Variants in PTPN2 observed in about 807,000 individuals in gnomAD.
PTPN2 encodes protein tyrosine phosphatase non-receptor type 2, also known as tyrosine-protein phosphatase non-receptor type 2.
A neutral mutation model predicts 57.3 loss-of-function variants in PTPN2; 19 were observed. The ratio of observed to expected loss-of-function variants is 0.33; its 90% confidence interval spans 0.23 to 0.49. The LOEUF (loss-of-function observed/expected upper bound fraction) is 0.49. PTPN2 is among the 20% of genes least tolerant of loss of function. The probability of loss-of-function intolerance (pLI) is 0.99; values close to 1 mark genes in which losing one functional copy is unlikely to be tolerated. For synonymous variants in PTPN2, 153 were observed against 164.9 expected (o/e 0.93, Z 0.55); for missense variants, 358 against 501.1 (o/e 0.71, Z 2.73).
At chr18:12,832,415 C>T (rs1307503534) in intron 3 of PTPN2, among the ~76,000 whole-genome samples, 2 of 152,164 alleles carry the variant, frequency 1.3e-5, no homozygotes, top group South Asian at 4.1e-4. Context: ...TGGTGCCCAG[C>T]TGACTAAAAG....
chr18:12,824,228 A>C (rs1292345903), intron 5 of PTPN2, among the ~76,000 whole-genome samples: 1 of 152,216 alleles, frequency 6.6e-6, no homozygotes, highest in Non-Finnish European at 1.5e-5. Flanking sequence ...AAATCTAAGC[A>C]TTATCATTCG....
intron 1 of PTPN2, among the ~76,000 whole-genome samples, chr18:12,882,257 G>C (rs1402588533): frequency 6.6e-6 from 1 of 152,200 alleles, no homozygotes; most frequent in African/African-American, 2.4e-5. Context: ...TAATGGTCTT[G>C]TTTTCAACTA....
chr18:12,833,931 G>C (rs976437896), intron 3 of PTPN2, among the ~76,000 whole-genome samples: 1 of 152,158 alleles, frequency 6.6e-6, no homozygotes, highest in African/African-American at 2.4e-5. Flanking sequence ...AACATAGAGA[G>C]GAATTCAGGA....
At chr18:12,806,484 C>A (rs999272996) in intron 7 of PTPN2, among the ~76,000 whole-genome samples, 1 of 152,032 alleles carries the variant, frequency 6.6e-6, no homozygotes, top group South Asian at 2.1e-4. Flanking sequence ...TAAAAGACCC[C>A]AAAAGCCAAA....
downstream of PTPN2, among the ~76,000 whole-genome samples, chr18:12,790,525 G>C (rs2040957707): frequency 6.6e-6 from 1 of 152,186 alleles, no homozygotes; most frequent in South Asian, 2.1e-4. Context: ...AAAGGATGGA[G>C]AAATGCCAGT....
chr18:12,869,765 G>A (rs2044122503), intron 1 of PTPN2, among the ~76,000 whole-genome samples: 1 of 152,038 alleles, frequency 6.6e-6, no homozygotes, highest in African/African-American at 2.4e-5. Context: ...TTCTCCTTAT[G>A]GGCTAACATA....
At chr18:12,789,153 C>T (rs1173269667), downstream of PTPN2, among the ~76,000 whole-genome samples, 1 of 152,074 alleles carries the variant, frequency 6.6e-6, no homozygotes, top group South Asian at 2.1e-4. Flanking sequence ...TTCACTGGAA[C>T]AAAGACAGCT....
chr18:12,871,306 TAAGA>T (rs990865801), intron 1 of PTPN2, among the ~76,000 whole-genome samples: 14 of 152,240 alleles, frequency 9.2e-5, no homozygotes, highest in African/African-American at 3.4e-4. Context: ...ACCAATAATA[TAAGA>T]AAGTGCCTGA....
chr18:12,836,362 C>G (rs1463172028), intron 3 of PTPN2, among the ~76,000 whole-genome samples: 1 of 152,200 alleles, frequency 6.6e-6, no homozygotes, highest in African/African-American at 2.4e-5. Context: ...TGAAGACGAC[C>G]AGACACCATC....
chr18:12,790,167 T>G (rs2040948522), downstream of PTPN2, among the ~76,000 whole-genome samples: 1 of 152,046 alleles, frequency 6.6e-6, no homozygotes, highest in East Asian at 1.9e-4. Flanking sequence ...CAAGCAATCC[T>G]CCCACCTTGG....
intron 7 of PTPN2, among the ~76,000 whole-genome samples, chr18:12,803,378 A>C (rs1026360798): frequency 3.3e-5 from 5 of 152,222 alleles, no homozygotes; most frequent in African/African-American, 1.2e-4. Context: ...GGCAGGTGTA[A>C]GTCCTTATCT....
chr18:12,823,598 C>T (rs541592752), intron 5 of PTPN2, among the ~76,000 whole-genome samples: 2 of 152,060 alleles, frequency 1.3e-5, no homozygotes, highest in African/African-American at 4.8e-5. Flanking sequence ...TCACTTGAAT[C>T]CAGGAGGTGG....
At chr18:12,796,655 A>G (rs1184510359) in intron 8 of PTPN2, among the ~76,000 whole-genome samples, 1 of 152,208 alleles carries the variant, frequency 6.6e-6, no homozygotes, top group Non-Finnish European at 1.5e-5. Context: ...AACTGAGAAC[A>G]CATGTCCATG....
intron 9 of PTPN2, chr18:12,786,243 T>C (rs2040840951): frequency 5.6e-6 from 1 of 178,714 alleles, no homozygotes; most frequent in African/African-American, 2.4e-5. Flanking sequence ...ACCAATACTT[T>C]GGAATTCAAT....
At chr18:12,880,768 C>T (rs1282654112) in intron 1 of PTPN2, 2 of 152,200 alleles carry the variant, frequency 1.3e-5, no homozygotes, top group South Asian at 2.1e-4. Context: ...TATTTCCAAA[C>T]GCTCTGTATC....
At position 12,826,246 on chromosome 18, in the gene PTPN2, TAC is replaced by T. The variant is rs2042453271; in HGVS notation, c.361-304_361-303del. ...GGTGAAACCCTGTCTCTACTAAAAA[TAC>T]AAAAACTAGCTAGGCGCGATGGCGG... is the stretch of plus-strand genomic sequence containing the variant. On this transcript the variant is annotated intron_variant, in intron 4 of 8. Coordinates refer to ENST00000309660, the MANE Select transcript of PTPN2 (RefSeq NM_002828.4). 2.0e-5 allele frequency among the ~76,000 whole-genome samples: 3 copies of T among 152,044 alleles called. No individual in the cohort carries two copies. The South Asian group carries it at 6.2e-4, about 32-fold the overall frequency.
chr18:12,825,203 C>CAT (rs144146630), intron 5 of PTPN2, among the ~76,000 whole-genome samples: 5 of 152,104 alleles, frequency 3.3e-5, no homozygotes, highest in Non-Finnish European at 7.4e-5. Flanking sequence ...GTGCGTGTTA[C>CAT]ATATATATAT....
At chr18:12,883,965 C>T in intron 1 of PTPN2, 108 bp downstream of exon 1, 2 of 983,612 alleles carry the variant, frequency 2.0e-6, no homozygotes, top group Non-Finnish European at 2.9e-6. Flanking sequence ...CCGCCCCGAG[C>T]GAGAGGCTAG....
At chr18:12,800,532 G>T (rs2041377772) in intron 8 of PTPN2, among the ~76,000 whole-genome samples, 1 of 151,894 alleles carries the variant, frequency 6.6e-6, no homozygotes, top group Non-Finnish European at 1.5e-5. Context: ...CAAAAATTGG[G>T]AATAACATTA....
Sources: allele counts gnomAD v4.1 joint callset (sites outside exome capture counted in the v4.1 genomes callset), GRCh38; gene constraint gnomAD v4.1.1; transcripts MANE v1.5; gene names NCBI Gene and HGNC (gene_info 2026-07-23, HGNC 2026-07-21).